Variants in APBB1IP observed in about 807,000 individuals in gnomAD.
APBB1IP encodes amyloid beta A4 precursor protein-binding family B member 1-interacting protein.
APBB1IP carries 27 observed loss-of-function variants against 64.9 expected under a neutral mutation model. The observed-to-expected ratio is 0.42, with a 90% confidence interval of 0.31 to 0.57. APBB1IP has a LOEUF of 0.57. Among genes scored for constraint, APBB1IP ranks in the 20% least tolerant of loss-of-function variants. The pLI, the probability that APBB1IP is intolerant of heterozygous loss-of-function variation, is 0.20. For synonymous variants in APBB1IP, 392 were observed against 331.0 expected (o/e 1.18, Z -2.00); for missense variants, 812 against 845.5 (o/e 0.96, Z 0.49).
chr10:26,512,850 AT>A (rs1210857377), intron 7 of APBB1IP, among the ~76,000 whole-genome samples: 35 of 151,944 alleles, frequency 2.3e-4, no homozygotes, highest in Admixed American at 1.7e-3. Flanking sequence ...TTTGGGAGCA[AT>A]TTTTTTTCTG....
intron 2 of APBB1IP, among the ~76,000 whole-genome samples, chr10:26,474,708 T>C (rs1835756177): frequency 6.6e-6 from 1 of 152,220 alleles, no homozygotes. Flanking sequence ...CTAAAATATT[T>C]TAGGTTCTCC....
chr10:26,508,653 G>A (rs1166995613), intron 6 of APBB1IP, among the ~76,000 whole-genome samples: 1 of 151,642 alleles, frequency 6.6e-6, no homozygotes, highest in East Asian at 2.0e-4. Context: ...TGTTGGTATA[G>A]AGCTACTCTA....
intron 12 of APBB1IP, among the ~76,000 whole-genome samples, 189 bp downstream of exon 12, chr10:26,560,392 C>T (rs578214456): frequency 3.9e-5 from 6 of 152,174 alleles, no homozygotes; most frequent in African/African-American, 9.6e-5. Flanking sequence ...CTCCAGTAAC[C>T]GGATATTTAC....
intron 2 of APBB1IP, among the ~76,000 whole-genome samples, chr10:26,460,784 C>T (rs1432934311): frequency 6.6e-6 from 1 of 152,128 alleles, no homozygotes; most frequent in Non-Finnish European, 1.5e-5. Flanking sequence ...GAACAACACA[C>T]ACCTGTCAGA....
rs564698914 is a variant in APBB1IP at position 26,559,958 on chromosome 10, T to C, written c.1156-147T>C. On this transcript the variant is annotated intron_variant, in intron 11 of 14. Transcript: ENST00000376236. Reference sequence around the variant, plus strand: ...AAAATTTAGTCATTTTTAAAAGTTATCTTCCTAATCTTAACATTACAACCA... The same window carrying C: ...AAAATTTAGTCATTTTTAAAAGTTACCTTCCTAATCTTAACATTACAACCA... The C allele has an allele frequency of 4.6e-6, 3 of 650,710 alleles. No homozygotes were observed. In the South Asian group the frequency reaches 6.0e-5, roughly 13 times the overall value. The allele number at this position is 650,710 out of a possible 1,614,324, so 40.3% of individuals were successfully genotyped here. A position where few individuals can be genotyped will look rare whatever the true frequency, so the allele number is the denominator to read the frequency against.
At chr10:26,492,228 C>T (rs74869251) in intron 2 of APBB1IP, 99 bp from the exon 3 acceptor site, 148,849 of 1,060,352 alleles carry the variant, frequency 0.14, 11,563 homozygotes, top group Middle Eastern at 0.18. Flanking sequence ...ACTTAGCTGC[C>T]CATGGATGGG....
At position 26,507,870 on chromosome 10, in the gene APBB1IP, A is replaced by G. The variant is rs575838373; in HGVS notation, c.532-3877A>G. On this transcript the variant is annotated intron_variant, in intron 6 of 14. Transcript: ENST00000376236. ...TTCAGCTGGAGACTAAGAGAACAGGAGGAGAGGGCAAGTATTTCCTGCCAT... is the reference window on the plus strand; with the variant it reads ...TTCAGCTGGAGACTAAGAGAACAGGGGGAGAGGGCAAGTATTTCCTGCCAT... Among the ~76,000 whole-genome samples, 4 of 152,320 alleles carry G rather than the reference A, an allele frequency of 2.6e-5. No homozygotes were observed. The East Asian group carries it at 7.7e-4, about 29-fold the overall frequency.
Position 26,526,577 on chromosome 10 carries a change from T to G in APBB1IP, c.814-6862T>G. 1.3e-5 allele frequency among the ~76,000 whole-genome samples: 2 copies of G among 151,850 alleles called. 1 individual carries two copies. The highest frequency in any genetic ancestry group is 1.3e-4 in the Admixed American group (2 of 15,272). The stretch of plus-strand genomic sequence containing the variant: ...CTACTAAAAATACAAAAACAAGTCG[T>G]GCATGGCGGCGTGTGCCTGTAGTCC... On this transcript the variant is annotated intron_variant, in intron 8 of 14. Transcript: ENST00000376236.
At chr10:26,556,468 CA>C (rs1836896273) in intron 11 of APBB1IP, among the ~76,000 whole-genome samples, 3 of 152,224 alleles carry the variant, frequency 2.0e-5, no homozygotes, top group Admixed American at 6.5e-5. Context: ...CCATAGCACA[CA>C]TATAGTGTAA....
At chr10:26,489,871 G>T (rs1038880377) in intron 2 of APBB1IP, among the ~76,000 whole-genome samples, 3 of 151,966 alleles carry the variant, frequency 2.0e-5, no homozygotes, top group Non-Finnish European at 2.9e-5. Flanking sequence ...CTAAAAATAC[G>T]AAAATTAGCC....
intron 14 of APBB1IP, among the ~76,000 whole-genome samples, chr10:26,564,870 C>A (rs1226684135): frequency 2.0e-5 from 3 of 151,200 alleles, no homozygotes; most frequent in Admixed American, 6.6e-5. Flanking sequence ...TATTAGAGAC[C>A]AGATGTCCTG....
At chr10:26,503,884 T>C (rs1387390613) in intron 6 of APBB1IP, among the ~76,000 whole-genome samples, 1 of 151,972 alleles carries the variant, frequency 6.6e-6, no homozygotes, top group African/African-American at 2.4e-5. Flanking sequence ...ATGATGGGAG[T>C]AGAATTATAC....
At position 26,523,493 on chromosome 10, in the gene APBB1IP, G is replaced by A. The variant is rs1055094173; in HGVS notation, c.813+9833G>A. Among the ~76,000 whole-genome samples the A allele has an allele frequency of 3.3e-5, 5 of 152,190 alleles. 1 individual carries two copies. ...GCAGTAAGATTCTGTGTGGGTGCAG[G>A]TGAGATTTTCCTTTCTAACATGCAA... On this transcript the variant is annotated intron_variant, in intron 8 of 14. Coordinates refer to ENST00000376236, the MANE Select transcript of APBB1IP (RefSeq NM_019043.4).
intron 2 of APBB1IP, among the ~76,000 whole-genome samples, chr10:26,458,615 T>G (rs17557892): frequency 0.048 from 7,244 of 152,280 alleles, 246 homozygotes; most frequent in Non-Finnish European, 0.071. Flanking sequence ...AGAGCATCAC[T>G]GGACCATTGT....
At chr10:26,474,700 A>G (rs1408820906) in intron 2 of APBB1IP, among the ~76,000 whole-genome samples, 1 of 152,240 alleles carries the variant, frequency 6.6e-6, no homozygotes, top group Non-Finnish European at 1.5e-5. Flanking sequence ...AATTGAGTCT[A>G]AAATATTTTA....
intron 2 of APBB1IP, among the ~76,000 whole-genome samples, chr10:26,481,015 G>A (rs986384774): frequency 3.9e-5 from 6 of 152,008 alleles, no homozygotes; most frequent in African/African-American, 1.4e-4. Context: ...TTAGGTCACA[G>A]TAGGTCCTAA....
Position 26,503,220 on chromosome 10 carries a change from G to C in APBB1IP, c.477G>C (p.Lys159Asn), listed in dbSNP as rs61758872. The change falls in exon 6 of 15, where the codon AAG (lysine) becomes AAC (asparagine). Residue 159 changes from lysine (K) to asparagine (N), a missense_variant. Lys to Asn is a moderately conservative substitution (Grantham distance 94, BLOSUM62 0). Around this residue, in one of 3 missense-constraint regions of APBB1IP, gnomAD observed 394 missense variants for 413.1 expected, o/e 0.95. Coordinates refer to ENST00000376236, the MANE Select transcript of APBB1IP (RefSeq NM_019043.4). ...AGGAAGAGGAAGAAGCCCAAGCCAA[G>C]GCTGATAAAATTAAGCTGGCGCTGG... ...LSQEEEEAQA[K>N]ADKIKLALEK... is the part of the protein sequence containing the mutation. The C allele has an allele frequency of 1.1e-5, 17 of 1,613,972 alleles. No homozygotes were observed. The highest frequency in any genetic ancestry group is 1.0e-5 in the Non-Finnish European group (12 of 1,180,024).
chr10:26,509,848 C>T (rs1177856373), intron 6 of APBB1IP: 2 of 152,216 alleles, frequency 1.3e-5, no homozygotes, highest in African/African-American at 4.8e-5. Flanking sequence ...AGCTCATATG[C>T]TACAAATACA....
chr10:26,483,639 C>T (rs1050982003), intron 2 of APBB1IP, among the ~76,000 whole-genome samples: 3 of 152,186 alleles, frequency 2.0e-5, no homozygotes. Context: ...TTCTAACCTT[C>T]CTGAACTTCA....
Sources: allele counts gnomAD v4.1 joint callset (sites outside exome capture counted in the v4.1 genomes callset), GRCh38; gene constraint gnomAD v4.1.1; regional missense constraint gnomAD v4.1.1; transcripts MANE v1.5; gene names NCBI Gene and HGNC (gene_info 2026-07-23, HGNC 2026-07-21).